The following ADGRL3 variants were observed in gnomAD, a reference collection of about 807,000 sequenced individuals.
ADGRL3 encodes calcium-independent alpha-latrotoxin receptor 3.
ADGRL3 carries 62 observed loss-of-function variants against 153.5 expected under a neutral mutation model. That is an observed-to-expected ratio of 0.40 (90% CI 0.33 to 0.50). The LOEUF (loss-of-function observed/expected upper bound fraction) is 0.50, where lower values mean the gene tolerates loss of function less well. Among genes scored for constraint, ADGRL3 ranks in the 20% least tolerant of loss-of-function variants. ADGRL3 has a pLI of 0.47. For missense variants in ADGRL3, 1,641 were observed against 1,859.4 expected, an observed-to-expected ratio of 0.88 and a Z score of 2.16; for synonymous variants, 710 against 672.5, an observed-to-expected ratio of 1.06 and a Z score of -0.86.
chr4:61,341,316 G>A (rs574206708), intron 1 of ADGRL3, among the ~76,000 whole-genome samples: 1 of 151,878 alleles, frequency 6.6e-6, no homozygotes, highest in East Asian at 1.9e-4. Flanking sequence ...TTTCCTTTGA[G>A]TAAACTTTAT....
At chr4:61,976,059 A>G (rs1194296333) in intron 17 of ADGRL3, among the ~76,000 whole-genome samples, 5 of 152,198 alleles carry the variant, frequency 3.3e-5, no homozygotes, top group Non-Finnish European at 7.3e-5. Flanking sequence ...GAATATAATC[A>G]TTCAAAACCA....
intron 17 of ADGRL3, among the ~76,000 whole-genome samples, chr4:61,976,432 T>G (rs1581710863): frequency 6.6e-6 from 1 of 152,310 alleles, no homozygotes; most frequent in South Asian, 2.1e-4. Context: ...CTTGATATGG[T>G]TTGGCTGTGT....
rs371431757 is a variant in ADGRL3 at position 61,425,842 on chromosome 4, A to G, written c.-174+42653A>G. Among the ~76,000 whole-genome samples the G allele has an allele frequency of 4.6e-5, 7 of 152,242 alleles. No homozygotes were observed. The East Asian group carries it at 7.7e-4, about 17-fold the overall frequency. On this transcript the variant is annotated intron_variant, in intron 2 of 26. Coordinates refer to ENST00000683033, the MANE Select transcript of ADGRL3 (RefSeq NM_001387552.1). ...CTCCCCCCTGGGGCTATGGTAGCCAACCATCTGCAATGGGCCTTCGAGAGT... is the reference window on the plus strand; with the variant it reads ...CTCCCCCCTGGGGCTATGGTAGCCAGCCATCTGCAATGGGCCTTCGAGAGT...
intron 1 of ADGRL3, among the ~76,000 whole-genome samples, chr4:61,300,300 T>G (rs2094538315): frequency 6.6e-6 from 1 of 152,184 alleles, no homozygotes; most frequent in African/African-American, 2.4e-5. Context: ...AATGCATAAA[T>G]CTTACAAACA....
chr4:61,293,588 A>C (rs1414965950), intron 1 of ADGRL3, among the ~76,000 whole-genome samples: 1 of 152,176 alleles, frequency 6.6e-6, no homozygotes, highest in Non-Finnish European at 1.5e-5. Context: ...ATGCCTACTT[A>C]TGTGTTCCAT....
intron 12 of ADGRL3, among the ~76,000 whole-genome samples, chr4:61,911,079 C>T (rs187365328): frequency 8.5e-5 from 13 of 152,096 alleles, no homozygotes; most frequent in Non-Finnish European, 4.4e-5. Context: ...ATAATCTGGG[C>T]GTGCTGTGAT....
chr4:61,692,602 C>A (rs2095560608), intron 6 of ADGRL3, among the ~76,000 whole-genome samples: 1 of 151,972 alleles, frequency 6.6e-6, no homozygotes. Context: ...GCCCCCCATG[C>A]CTGGCTAATT....
intron 2 of ADGRL3, among the ~76,000 whole-genome samples, chr4:61,469,733 G>A (rs149683453): frequency 0.011 from 1,624 of 151,988 alleles, 31 homozygotes; most frequent in African/African-American, 0.036. Context: ...AGTTTACAGC[G>A]TAAGAATGTT....
chr4:61,294,202 C>T (rs1336955405), intron 1 of ADGRL3, among the ~76,000 whole-genome samples: 2 of 152,118 alleles, frequency 1.3e-5, no homozygotes, highest in Non-Finnish European at 2.9e-5. Context: ...CCTGCGATCA[C>T]GAGGGTAAAC....
At chr4:61,543,966 C>T (rs1395472229) in intron 4 of ADGRL3, among the ~76,000 whole-genome samples, 4 of 152,134 alleles carry the variant, frequency 2.6e-5, no homozygotes, top group African/African-American at 9.7e-5. Flanking sequence ...TCATATTAGT[C>T]CACTCTGTGT....
intron 5 of ADGRL3, among the ~76,000 whole-genome samples, chr4:61,604,568 C>T (rs531177684): frequency 6.6e-6 from 1 of 152,144 alleles, no homozygotes; most frequent in African/African-American, 2.4e-5. Flanking sequence ...CCTTTCTTCC[C>T]CTTTCTTTAG....
chr4:62,021,669 A>G (rs1043795227), intron 21 of ADGRL3, among the ~76,000 whole-genome samples: 2 of 152,080 alleles, frequency 1.3e-5, no homozygotes, highest in Admixed American at 6.6e-5. Context: ...TCTATGTCAC[A>G]TTTTGGTAAT....
At chr4:61,586,272 A>T (rs2098946267) in intron 4 of ADGRL3, among the ~76,000 whole-genome samples, 1 of 151,994 alleles carries the variant, frequency 6.6e-6, no homozygotes. Flanking sequence ...GTTTTCTCAA[A>T]TATATTACAG....
At chr4:61,785,273 T>G (rs1211558272) in intron 8 of ADGRL3, among the ~76,000 whole-genome samples, 1 of 152,166 alleles carries the variant, frequency 6.6e-6, no homozygotes, top group Non-Finnish European at 1.5e-5. Flanking sequence ...AAACAAATTC[T>G]TATTCTTTGA....
chr4:61,324,141 G>A (rs2095420544), intron 1 of ADGRL3, among the ~76,000 whole-genome samples: 1 of 152,032 alleles, frequency 6.6e-6, no homozygotes, highest in Admixed American at 6.6e-5. Flanking sequence ...CCCATGATTC[G>A]GTCATCTCCC....
chr4:61,599,933 ATATTTGT>A (rs2099004186), intron 5 of ADGRL3, among the ~76,000 whole-genome samples: 1 of 152,196 alleles, frequency 6.6e-6, no homozygotes, highest in Non-Finnish European at 1.5e-5. Flanking sequence ...AAAATGACTG[ATATTTGT>A]TATTTTGATA....
chr4:61,814,346 A>T (rs2097664722), intron 9 of ADGRL3, among the ~76,000 whole-genome samples: 1 of 151,880 alleles, frequency 6.6e-6, no homozygotes, highest in South Asian at 2.1e-4. Flanking sequence ...TTTAGTTTTT[A>T]AAATATGTGT....
intron 1 of ADGRL3, among the ~76,000 whole-genome samples, chr4:61,323,399 A>T (rs1578265104): frequency 6.6e-6 from 1 of 151,148 alleles, no homozygotes; most frequent in Admixed American, 6.6e-5. Flanking sequence ...CAAAATATGG[A>T]TTTTTTTTTC....
intron 6 of ADGRL3, among the ~76,000 whole-genome samples, chr4:61,721,499 C>T (rs1171584923): frequency 6.6e-6 from 1 of 152,138 alleles, no homozygotes; most frequent in Non-Finnish European, 1.5e-5. Flanking sequence ...TATTCTAGCC[C>T]CTGCGCTGGC....
Sources: gnomAD v4.1 joint callset for allele counts (sites outside exome capture counted in the v4.1 genomes callset) on GRCh38, gnomAD v4.1.1 for gene constraint, MANE v1.5 for transcripts, NCBI Gene and HGNC (gene_info 2026-07-23, HGNC 2026-07-21) for gene names.